Variants in DENND5B observed in about 807,000 individuals in gnomAD.
DENND5B encodes the protein DENN domain-containing protein 5B.
DENND5B carries 34 observed loss-of-function variants against 140.6 expected under a neutral mutation model. That is an observed-to-expected ratio of 0.24 (90% CI 0.18 to 0.32). The LOEUF (loss-of-function observed/expected upper bound fraction) is 0.32, where lower values mean the gene tolerates loss of function less well. Ranked by LOEUF, DENND5B falls within the 10% of genes least tolerant of loss-of-function variation. DENND5B has a pLI of 1.00. For missense variants in DENND5B, 1,142 were observed against 1,560.2 expected (o/e 0.73, Z 4.52); for synonymous variants, 551 against 562.1 (o/e 0.98, Z 0.28).
At chr12:31,574,029 G>C (rs947250155) in intron 1 of DENND5B, among the ~76,000 whole-genome samples, 2 of 151,640 alleles carry the variant, frequency 1.3e-5, no homozygotes, top group African/African-American at 4.8e-5. Context: ...AGGCCAAGGT[G>C]GAAGAACCAT....
intron 3 of DENND5B, among the ~76,000 whole-genome samples, chr12:31,464,761 A>C (rs1945183085): frequency 6.6e-6 from 1 of 151,990 alleles, no homozygotes; most frequent in Admixed American, 6.6e-5. Context: ...GGGTTTCGCC[A>C]TGTTGGCCAG....
In DENND5B at chr12:31,424,479, A is replaced by G. The variant is rs1593129358; in HGVS notation, c.2391+56T>C. 6 of 1,500,856 alleles carry G rather than the reference A, an allele frequency of 4.0e-6. No individual in the cohort carries two copies. The East Asian group carries it at 1.2e-4, about 29-fold the overall frequency. The allele number at this position is 1,500,856 out of a possible 1,614,324, so 93.0% of individuals were successfully genotyped here. ...AATGACATATTTGTCTCCTTGTTAC[A>G]TTTCTTAACAGGGCTCTTAACTGGC... On this transcript the variant is annotated intron_variant, in intron 10 of 20. Coordinates refer to ENST00000389082, the MANE Select transcript of DENND5B (RefSeq NM_144973.4).
At position 31,405,334 on chromosome 12, in the gene DENND5B, G is replaced by A. The variant is rs750093881; in HGVS notation, c.2804-2691C>T. On this transcript the variant is annotated intron_variant, in intron 14 of 20. Coordinates refer to ENST00000389082, the MANE Select transcript of DENND5B (RefSeq NM_144973.4). ...TGGGCTCAAGTGATCCTCCCACCTC[G>A]GCCTCCCCAGTAGCTGGGACCAGAG... 9.9e-5 allele frequency among the ~76,000 whole-genome samples: 15 copies of A among 151,552 alleles called. 1 individual carries two copies. Among genetic ancestry groups the A allele is most frequent in the Admixed American group, 5.9e-4 (9 of 15,204 alleles).
intron 1 of DENND5B, among the ~76,000 whole-genome samples, chr12:31,571,138 T>C (rs1949808666): frequency 1.3e-5 from 2 of 150,986 alleles, no homozygotes; most frequent in Admixed American, 1.3e-4. Flanking sequence ...CTGCTGCTGC[T>C]TCAAGACTCA....
At chr12:31,577,710 CAAAAAAAAAA>C (rs35015214) in intron 1 of DENND5B, among the ~76,000 whole-genome samples, 2 of 70,506 alleles carry the variant, frequency 2.8e-5, no homozygotes, top group Admixed American at 2.1e-4. Context: ...GACTCTGTCT[CAAAAAAAAAA>C]AAAAAAAAAA....
At chr12:31,404,132 G>A (rs79832584) in intron 14 of DENND5B, among the ~76,000 whole-genome samples, 14,637 of 151,708 alleles carry the variant, frequency 0.096, 1,006 homozygotes, top group East Asian at 0.25. Flanking sequence ...GGATGAGGAG[G>A]GGGGATCCCT....
intron 2 of DENND5B, among the ~76,000 whole-genome samples, chr12:31,494,947 T>C (rs1046705702): frequency 3.3e-5 from 5 of 152,248 alleles, no homozygotes; most frequent in African/African-American, 1.2e-4. Flanking sequence ...GCTTCATTCT[T>C]TCCTTGCTTT....
intron 1 of DENND5B, among the ~76,000 whole-genome samples, chr12:31,570,738 T>A (rs771991759): frequency 6.6e-6 from 1 of 152,072 alleles, no homozygotes; most frequent in Non-Finnish European, 1.5e-5. Context: ...GAAATGCACA[T>A]CTGTCCTTGC....
At chr12:31,576,141 CAA>C (rs71445806) in intron 1 of DENND5B, among the ~76,000 whole-genome samples, 3 of 24,594 alleles carry the variant, frequency 1.2e-4, no homozygotes, top group Non-Finnish European at 1.5e-4. Context: ...GCTCTGTCTC[CAA>C]AAAAAAAAAA....
chr12:31,433,362 T>C, intron 7 of DENND5B, 114 bp from the exon 8 acceptor site: 4 of 877,302 alleles, frequency 4.6e-6, no homozygotes, highest in Non-Finnish European at 6.7e-6. Context: ...TTAAAAAATA[T>C]ATAGCAGCTT....
intron 1 of DENND5B, among the ~76,000 whole-genome samples, chr12:31,555,930 A>G (rs1949263568): frequency 6.6e-6 from 1 of 152,126 alleles, no homozygotes; most frequent in South Asian, 2.1e-4. Flanking sequence ...GGTGGGAGTG[A>G]GCCGATTTTC....
At chr12:31,482,568 C>T (rs933457098) in intron 2 of DENND5B, among the ~76,000 whole-genome samples, 2 of 152,006 alleles carry the variant, frequency 1.3e-5, no homozygotes, top group African/African-American at 4.8e-5. Context: ...AAACTAATTG[C>T]TGTTGCTTCT....
intron 1 of DENND5B, among the ~76,000 whole-genome samples, chr12:31,557,425 C>G (rs1409895968): frequency 2.0e-5 from 3 of 152,016 alleles, no homozygotes; most frequent in Non-Finnish European, 4.4e-5. Context: ...GTCACCCAGG[C>G]TGGAGTGCAG....
At chr12:31,396,061 T>A (rs1197690768) in intron 17 of DENND5B, among the ~76,000 whole-genome samples, 2 of 52,572 alleles carry the variant, frequency 3.8e-5, no homozygotes, top group Non-Finnish European at 8.4e-5. Flanking sequence ...TCCTTGTTTT[T>A]TTTTTTTTTT....
At chr12:31,567,556 T>C (rs900484147) in intron 1 of DENND5B, among the ~76,000 whole-genome samples, 6 of 135,764 alleles carry the variant, frequency 4.4e-5, no homozygotes, top group Non-Finnish European at 7.7e-5. Flanking sequence ...AGCATCCTAA[T>C]TGGTTTCCCC....
chr12:31,590,755 C>A lies in DENND5B; in HGVS notation c.78G>T (p.Val26=). The change falls in exon 1 of 21, where the codon GTG becomes GTT. Residue 26 remains valine, a synonymous_variant. Transcript: ENST00000389082. The part of the protein sequence containing the change: ...PAACRFAHYF[V]LCGIDADSGL... ...CGCTGTCCGCGTCGATCCCGCACAG[C>A]ACGAAGTAGTGCGCGAAGCGGCAGG... The A allele has an allele frequency of 7.0e-7, 1 of 1,431,100 alleles. No homozygotes were observed. Among genetic ancestry groups the A allele is most frequent in the East Asian group, 3.1e-5 (1 of 32,652 alleles). 88.7% of individuals were successfully genotyped at this position (1,431,100 alleles called of 1,614,324 possible).
At chr12:31,415,235 T>C in intron 12 of DENND5B, 132 bp downstream of exon 12, 2 of 592,922 alleles carry the variant, frequency 3.4e-6, no homozygotes, top group Non-Finnish European at 5.6e-6. Context: ...AATGAAATCA[T>C]AAAAAATGCT....
At chr12:31,527,944 T>G (rs1377069531) in intron 1 of DENND5B, among the ~76,000 whole-genome samples, 1 of 100,472 alleles carries the variant, frequency 1.0e-5, no homozygotes, top group Admixed American at 1.3e-4. Flanking sequence ...CTAGACTCTT[T>G]AAATTAAAAA....
chr12:31,442,969 G>A, intron 6 of DENND5B, 44 bp from the exon 7 acceptor site: 3 of 1,520,946 alleles, frequency 2.0e-6, no homozygotes, highest in Non-Finnish European at 2.7e-6. Flanking sequence ...TTCATTGCTA[G>A]CCCTTCAAAA....
Sources: gnomAD v4.1 joint callset for allele counts (sites outside exome capture counted in the v4.1 genomes callset) on GRCh38, gnomAD v4.1.1 for gene constraint, MANE v1.5 for transcripts, NCBI Gene and HGNC (gene_info 2026-07-23, HGNC 2026-07-21) for gene names.